LARP4B: variants seen among roughly 807,000 people sequenced by gnomAD.
The protein encoded by LARP4B is La ribonucleoprotein 4B.
A neutral mutation model predicts 89.8 loss-of-function variants in LARP4B; 12 were observed. That is an observed-to-expected ratio of 0.13 (90% confidence interval 0.09 to 0.22). LARP4B has a LOEUF of 0.22. LARP4B is among the 10% of genes least tolerant of loss of function. The pLI, the probability that LARP4B is intolerant of heterozygous loss-of-function variation, is 1.00. For synonymous variants in LARP4B, 367 were observed against 363.3 expected (o/e 1.01, Z -0.12); for missense variants, 757 against 947.7 (o/e 0.80, Z 2.64).
At chr10:870,445 G>C (rs937469488) in intron 3 of LARP4B, among the ~76,000 whole-genome samples, 1 of 152,214 alleles carries the variant, frequency 6.6e-6, no homozygotes, top group African/African-American at 2.4e-5. Flanking sequence ...CTGCATCGCA[G>C]GGGGCACCTG....
chr10:897,742 C>T (rs1274842884), intron 1 of LARP4B, among the ~76,000 whole-genome samples: 2 of 152,058 alleles, frequency 1.3e-5, no homozygotes, highest in Non-Finnish European at 2.9e-5. Context: ...AATCCCAGCA[C>T]TTTCCGAGGC....
chr10:905,996 G>A lies in LARP4B; in HGVS notation c.-39-20236C>T, dbSNP rs192357720. ...TAGGGCAAAAGCTCTCTTGCCCTGT[G>A]CAATCAAAAGAAATAGTAAATCAAA... On this transcript the variant is annotated intron_variant, in intron 1 of 17. Coordinates refer to ENST00000316157, the MANE Select transcript of LARP4B (RefSeq NM_015155.3). Among the ~76,000 whole-genome samples the A allele has an allele frequency of 5.3e-5, 8 of 152,332 alleles. No homozygotes were observed. The East Asian group carries it at 1.5e-3, about 29-fold the overall frequency.
At chr10:969,122 T>C in the LARP4B span, among the ~76,000 whole-genome samples, 1 of 152,024 alleles carries the variant, frequency 6.6e-6, no homozygotes, top group Non-Finnish European at 1.5e-5. Context: ...TGGAAGGAAA[T>C]GGGAATAATT....
intron 3 of LARP4B, among the ~76,000 whole-genome samples, chr10:872,361 C>T (rs1348342877): frequency 6.6e-6 from 1 of 152,220 alleles, no homozygotes; most frequent in African/African-American, 2.4e-5. Context: ...CCTGACATGG[C>T]ACGCGAGGCT....
At chr10:912,742 T>C (rs1032974322) in intron 1 of LARP4B, among the ~76,000 whole-genome samples, 5 of 149,092 alleles carry the variant, frequency 3.4e-5, no homozygotes, top group Non-Finnish European at 7.4e-5. Context: ...AAAAAAAAAT[T>C]AGCGGGGCAT....
the LARP4B span, among the ~76,000 whole-genome samples, chr10:967,606 A>G: frequency 1.3e-5 from 2 of 152,240 alleles, no homozygotes. Flanking sequence ...GCAGAACTCT[A>G]GGAAGGAGGA....
At chr10:918,352 G>A (rs1836882707) in intron 1 of LARP4B, among the ~76,000 whole-genome samples, 1 of 152,132 alleles carries the variant, frequency 6.6e-6, no homozygotes, top group Non-Finnish European at 1.5e-5. Flanking sequence ...TTTCAGACAG[G>A]CCGGGGATGA....
the LARP4B span, among the ~76,000 whole-genome samples, chr10:963,205 C>T: frequency 6.6e-6 from 1 of 152,168 alleles, no homozygotes; most frequent in Admixed American, 6.5e-5. Context: ...CTATTTTTAA[C>T]CATATGTTTA....
At chr10:912,995 A>C (rs1333344714) in intron 1 of LARP4B, among the ~76,000 whole-genome samples, 1 of 152,242 alleles carries the variant, frequency 6.6e-6, no homozygotes, top group Admixed American at 6.5e-5. Flanking sequence ...CAATGAAAAA[A>C]ACATTGGCTT....
At position 903,865 on chromosome 10, in the gene LARP4B, G is replaced by GA. The variant is rs1458375767; in HGVS notation, c.-39-18106dup. On this transcript the variant is annotated intron_variant, in intron 1 of 17. Coordinates refer to ENST00000316157, the MANE Select transcript of LARP4B (RefSeq NM_015155.3). Reference sequence around the variant, plus strand: ...TAGAATGGCAAAATGTCAGAGCTGGGAAGCAGCTCGGAGCTGCTTTAATCC... The same window carrying GA: ...TAGAATGGCAAAATGTCAGAGCTGGGAAAGCAGCTCGGAGCTGCTTTAATCC... 4.6e-5 allele frequency among the ~76,000 whole-genome samples: 7 copies of GA among 152,278 alleles called. No individual in the cohort carries two copies. The East Asian group carries it at 1.4e-3, about 29-fold the overall frequency.
At chr10:858,566 T>C (rs759493465) in intron 5 of LARP4B, among the ~76,000 whole-genome samples, 1 of 152,196 alleles carries the variant, frequency 6.6e-6, no homozygotes, top group Non-Finnish European at 1.5e-5. Context: ...ACATTTTAAA[T>C]TTTGTACATC....
At chr10:969,522 G>T in the LARP4B span, among the ~76,000 whole-genome samples, 2 of 152,124 alleles carry the variant, frequency 1.3e-5, no homozygotes, top group African/African-American at 4.8e-5. Flanking sequence ...TTGAGGCCAG[G>T]AGTTTGAGAC....
At chr10:904,592 T>G (rs2131997667) in intron 1 of LARP4B, among the ~76,000 whole-genome samples, 1 of 151,704 alleles carries the variant, frequency 6.6e-6, no homozygotes, top group Non-Finnish European at 1.5e-5. Context: ...AAAATAAAAA[T>G]AAATAAATAA....
intron 1 of LARP4B, among the ~76,000 whole-genome samples, chr10:917,565 G>C (rs1185829908): frequency 1.3e-5 from 2 of 152,292 alleles, no homozygotes; most frequent in South Asian, 2.1e-4. Context: ...GACTAGCCTG[G>C]TACCTTGTTT....
intron 6 of LARP4B, among the ~76,000 whole-genome samples, chr10:844,624 T>C (rs766057609): frequency 6.0e-4 from 91 of 152,332 alleles, no homozygotes; most frequent in Admixed American, 1.3e-3. Context: ...ATGAGTGTTA[T>C]ATAAATAAAA....
At chr10:978,830 G>T in the LARP4B span, among the ~76,000 whole-genome samples, 1 of 152,148 alleles carries the variant, frequency 6.6e-6, no homozygotes, top group Non-Finnish European at 1.5e-5. Context: ...CTTATGGTAA[G>T]ATTTCTCAGT....
At chr10:902,611 C>T (rs1359843686) in intron 1 of LARP4B, among the ~76,000 whole-genome samples, 1 of 151,768 alleles carries the variant, frequency 6.6e-6, no homozygotes, top group East Asian at 1.9e-4. Flanking sequence ...CTTCATTTAA[C>T]CTCAAGTTGA....
chr10:824,664 G>A (rs771023015), intron 13 of LARP4B, among the ~76,000 whole-genome samples: 1 of 152,194 alleles, frequency 6.6e-6, no homozygotes, highest in African/African-American at 2.4e-5. Flanking sequence ...CTGGTTACCC[G>A]CTCCAGGCTC....
chr10:833,781 C>T (rs1181286107), intron 8 of LARP4B, among the ~76,000 whole-genome samples: 1 of 150,848 alleles, frequency 6.6e-6, no homozygotes, highest in African/African-American at 2.4e-5. Context: ...CCTAGCTACT[C>T]GGGAGGCTGA....
Sources: gnomAD v4.1 joint callset for allele counts (sites outside exome capture counted in the v4.1 genomes callset) on GRCh38, gnomAD v4.1.1 for gene constraint, MANE v1.5 for transcripts, NCBI Gene and HGNC (gene_info 2026-07-23, HGNC 2026-07-21) for gene names.